EPM2A: variants seen among roughly 807,000 people sequenced by gnomAD.
EPM2A encodes the protein laforin.
Under a neutral mutation model 26.5 loss-of-function variants are expected in EPM2A, and 21 were observed. The observed-to-expected ratio is 0.79, with a 90% CI of 0.56 to 1.14. The LOEUF is 1.14. Among genes scored for constraint, EPM2A ranks in the 50% most tolerant of loss-of-function variants. The pLI is 0.00. For synonymous variants in EPM2A, 217 were observed against 177.6 expected, an observed-to-expected ratio of 1.22 and a Z score of -1.76; for missense variants, 458 against 440.8, an observed-to-expected ratio of 1.04 and a Z score of -0.35.
chr6:145,442,901 C>T (rs769005427), intron 4 of EPM2A, among the ~76,000 whole-genome samples: 13 of 151,298 alleles, frequency 8.6e-5, no homozygotes, highest in African/African-American at 1.2e-4. Flanking sequence ...CGCTCTGTTG[C>T]GCAGGCTGGA....
At chr6:145,727,519 A>C (rs900855617) in intron 1 of EPM2A, among the ~76,000 whole-genome samples, 5 of 151,672 alleles carry the variant, frequency 3.3e-5, no homozygotes, top group Admixed American at 1.3e-4. Context: ...AAAAAAAAAA[A>C]CCTCCGTTTC....
intron 1 of EPM2A, among the ~76,000 whole-genome samples, chr6:145,691,996 AAT>A (rs1179250564): frequency 6.6e-6 from 1 of 152,076 alleles, no homozygotes; most frequent in African/African-American, 2.4e-5. Flanking sequence ...ATTCACTTCA[AAT>A]TATATACACA....
chr6:145,416,813 T>G (rs554607252), intron 4 of EPM2A, among the ~76,000 whole-genome samples: 1 of 152,326 alleles, frequency 6.6e-6, no homozygotes, highest in South Asian at 2.1e-4. Flanking sequence ...ACTGACAACA[T>G]TTTGAGGGTG....
chr6:145,706,231 G>A (rs529464047), intron 1 of EPM2A, among the ~76,000 whole-genome samples: 1 of 152,242 alleles, frequency 6.6e-6, no homozygotes, highest in African/African-American at 2.4e-5. Context: ...CTGTAGGGTT[G>A]CTTATTGGGC....
chr6:145,719,349 A>G (rs1333211288), intron 1 of EPM2A, among the ~76,000 whole-genome samples: 2 of 150,844 alleles, frequency 1.3e-5, no homozygotes, highest in African/African-American at 4.9e-5. Context: ...GGAAATCATC[A>G]TTCTCAGTAA....
chr6:145,454,358 G>C (rs1325371536), intron 4 of EPM2A, among the ~76,000 whole-genome samples: 1 of 152,158 alleles, frequency 6.6e-6, no homozygotes, highest in East Asian at 1.9e-4. Flanking sequence ...CAGGAAACCA[G>C]ATCAGCAAGC....
chr6:145,586,127 C>T (rs1339523815), intron 2 of EPM2A, among the ~76,000 whole-genome samples: 3 of 152,174 alleles, frequency 2.0e-5, no homozygotes, highest in South Asian at 2.1e-4. Flanking sequence ...TCTACCTTCC[C>T]GGGTTACAGC....
chr6:145,672,213 T>C (rs1048538250), intron 2 of EPM2A, among the ~76,000 whole-genome samples: 1 of 152,166 alleles, frequency 6.6e-6, no homozygotes, highest in Non-Finnish European at 1.5e-5. Flanking sequence ...ATTTACCAAG[T>C]TTTATATTTT....
intron 4 of EPM2A, among the ~76,000 whole-genome samples, chr6:145,451,945 A>T (rs1779200362): frequency 6.6e-6 from 1 of 152,220 alleles, no homozygotes; most frequent in Non-Finnish European, 1.5e-5. Flanking sequence ...CTGCTCTAGA[A>T]AACCACGGAT....
intron 4 of EPM2A, among the ~76,000 whole-genome samples, chr6:145,422,461 C>A (rs926555570): frequency 5.8e-4 from 54 of 93,600 alleles, no homozygotes; most frequent in Non-Finnish European, 9.5e-4. Flanking sequence ...ATGTCATATA[C>A]TTCCTGTAAT....
chr6:145,550,242 T>C (rs543861956), intron 2 of EPM2A, among the ~76,000 whole-genome samples: 4 of 152,110 alleles, frequency 2.6e-5, no homozygotes, highest in African/African-American at 7.2e-5. Context: ...CCAGGAATTT[T>C]ATTAACCAGG....
chr6:145,649,855 A>C (rs1446061732), intron 2 of EPM2A, among the ~76,000 whole-genome samples: 1 of 152,220 alleles, frequency 6.6e-6, no homozygotes, highest in African/African-American at 2.4e-5. Flanking sequence ...AACTCTTTAT[A>C]GAAAATGTTT....
chr6:145,728,683 A>T (rs974914031), intron 1 of EPM2A, among the ~76,000 whole-genome samples: 3 of 152,240 alleles, frequency 2.0e-5, no homozygotes, highest in African/African-American at 7.2e-5. Flanking sequence ...TTATACTTAA[A>T]AGGGAAGCAG....
At chr6:145,414,778 T>C (rs1331038147) in intron 4 of EPM2A, among the ~76,000 whole-genome samples, 2 of 152,194 alleles carry the variant, frequency 1.3e-5, no homozygotes, top group South Asian at 4.1e-4. Flanking sequence ...CATTCTGTAA[T>C]TTCTCCTCAC....
At chr6:145,415,309 A>G (rs1392487014) in intron 4 of EPM2A, among the ~76,000 whole-genome samples, 1 of 152,222 alleles carries the variant, frequency 6.6e-6, no homozygotes, top group Non-Finnish European at 1.5e-5. Flanking sequence ...ATTTAAAGAC[A>G]TTCTGAAATC....
chr6:145,454,859 T>G (rs551321942), intron 4 of EPM2A, among the ~76,000 whole-genome samples: 2 of 152,284 alleles, frequency 1.3e-5, no homozygotes, highest in South Asian at 4.1e-4. Context: ...TTGCAACGGA[T>G]TGGTATATAA....
intron 2 of EPM2A, among the ~76,000 whole-genome samples, chr6:145,581,121 G>A (rs1219391449): frequency 1.3e-5 from 2 of 152,122 alleles, no homozygotes; most frequent in East Asian, 3.8e-4. Flanking sequence ...ATTCCCACTT[G>A]CAGTGTATAG....
intron 2 of EPM2A, among the ~76,000 whole-genome samples, chr6:145,603,389 T>C (rs1444657629): frequency 6.6e-6 from 1 of 152,158 alleles, no homozygotes; most frequent in Non-Finnish European, 1.5e-5. Context: ...CCCATCAGGT[T>C]CTTTTGTATG....
At chr6:145,391,404 C>A (rs4896799) in intron 4 of EPM2A, among the ~76,000 whole-genome samples, 12 of 151,970 alleles carry the variant, frequency 7.9e-5, no homozygotes, top group African/African-American at 1.7e-4. Context: ...TTTGTGTCCT[C>A]TACTTCACCT....
Sources: allele counts gnomAD v4.1 joint callset (sites outside exome capture counted in the v4.1 genomes callset), GRCh38; gene constraint gnomAD v4.1.1; transcripts MANE v1.5; gene names NCBI Gene and HGNC (gene_info 2026-07-23, HGNC 2026-07-21).